Variants in FHIT observed in about 807,000 individuals in gnomAD.
FHIT encodes the protein bis(5'-adenosyl)-triphosphatase.
Under a neutral mutation model 17.9 loss-of-function variants are expected in FHIT, and 19 were observed. The ratio of observed to expected loss-of-function variants is 1.06; its 90% CI spans 0.74 to 1.56. FHIT has a LOEUF of 1.56. Ranked by LOEUF, FHIT falls within the 40% of genes most tolerant of loss-of-function variation. FHIT has a pLI of 0.00. For missense variants in FHIT, 248 were observed against 189.2 expected, an observed-to-expected ratio of 1.31 and a Z score of -1.82; for synonymous variants, 81 against 69.7, an observed-to-expected ratio of 1.16 and a Z score of -0.81.
chr3:59,918,378 A>C (rs1705237087), intron 8 of FHIT, among the ~76,000 whole-genome samples: 1 of 152,206 alleles, frequency 6.6e-6, no homozygotes, highest in South Asian at 2.1e-4. Context: ...GTTAAGAAGG[A>C]AATAGGTATG....
At chr3:60,076,374 C>G (rs2736764) in intron 5 of FHIT, among the ~76,000 whole-genome samples, 98,604 of 151,874 alleles carry the variant, frequency 0.65, 32,996 homozygotes, top group Middle Eastern at 0.77. Context: ...TCAGAAAAGC[C>G]TATTTCTCTT....
intron 2 of FHIT, among the ~76,000 whole-genome samples, chr3:61,184,420 C>G (rs2038441549): frequency 6.6e-6 from 1 of 152,122 alleles, no homozygotes; most frequent in Non-Finnish European, 1.5e-5. Flanking sequence ...CAAAGCTGAC[C>G]TGCTAGAGAG....
At chr3:61,152,772 T>C (rs1240568977) in intron 2 of FHIT, among the ~76,000 whole-genome samples, 1 of 135,310 alleles carries the variant, frequency 7.4e-6, no homozygotes, top group Non-Finnish European at 1.6e-5. Flanking sequence ...GTATGGCATC[T>C]AATGAGAAAT....
chr3:60,206,669 G>C (rs572362029), intron 5 of FHIT, among the ~76,000 whole-genome samples: 1 of 152,240 alleles, frequency 6.6e-6, no homozygotes, highest in South Asian at 2.1e-4. Context: ...ATGCAAAAGA[G>C]GTGGACGGTT....
chr3:60,398,170 C>T (rs1189903406), intron 5 of FHIT, among the ~76,000 whole-genome samples: 2 of 152,142 alleles, frequency 1.3e-5, no homozygotes, highest in African/African-American at 2.4e-5. Flanking sequence ...CACTATTTTT[C>T]AAAGTCTCTA....
In FHIT at chr3:60,338,478, G is replaced by A. The variant is rs114173681; in HGVS notation, c.103+198382C>T. On this transcript the variant is annotated intron_variant, in intron 5 of 9. Coordinates refer to ENST00000492590, the MANE Select transcript of FHIT (RefSeq NM_002012.4). ...CAAAGTTCTGTGATTATAGGCATGC[G>A]CCACCATGTCTATGTCTGGTCCCAG... Among the ~76,000 whole-genome samples the A allele has an allele frequency of 5.0e-3, 764 of 152,172 alleles. 1 individual carries two copies. The highest frequency in any genetic ancestry group is 0.011 in the African/African-American group (468 of 41,526).
At chr3:60,919,022 A>G (rs1386694166) in intron 3 of FHIT, among the ~76,000 whole-genome samples, 1 of 152,182 alleles carries the variant, frequency 6.6e-6, no homozygotes, top group Non-Finnish European at 1.5e-5. Flanking sequence ...GCAGTCAATC[A>G]TGGACTAAAT....
chr3:60,275,799 T>G (rs528748350), intron 5 of FHIT, among the ~76,000 whole-genome samples: 1 of 152,312 alleles, frequency 6.6e-6, no homozygotes, highest in East Asian at 1.9e-4. Flanking sequence ...TCTTCTCATG[T>G]GGTCTTTCGG....
chr3:61,178,426 G>C (rs1305415747), intron 2 of FHIT, among the ~76,000 whole-genome samples: 1 of 151,042 alleles, frequency 6.6e-6, no homozygotes, highest in Non-Finnish European at 1.5e-5. Flanking sequence ...GTGGGCATTG[G>C]GGATAAGAGG....
At chr3:60,767,627 A>G (rs549601413) in intron 4 of FHIT, among the ~76,000 whole-genome samples, 1 of 152,368 alleles carries the variant, frequency 6.6e-6, no homozygotes, top group South Asian at 2.1e-4. Flanking sequence ...ACAGATTAAC[A>G]AAATTCGGTG....
chr3:60,208,519 G>T lies in FHIT; in HGVS notation c.104-194367C>A, dbSNP rs567913065. 5.6e-4 allele frequency among the ~76,000 whole-genome samples: 85 copies of T among 152,298 alleles called. No homozygotes were observed. In the Middle Eastern group the frequency reaches 0.01, roughly 18 times the overall value. ...AGAAGTTAAGGCAAAGGCCAATATG[G>T]TGAGTAATTTTAAATTTACACTTAG... On this transcript the variant is annotated intron_variant, in intron 5 of 9. Coordinates refer to ENST00000492590, the MANE Select transcript of FHIT (RefSeq NM_002012.4).
At chr3:60,995,767 T>C (rs1415417222) in intron 3 of FHIT, among the ~76,000 whole-genome samples, 2 of 152,184 alleles carry the variant, frequency 1.3e-5, no homozygotes, top group East Asian at 1.9e-4. Flanking sequence ...AATTATCATA[T>C]TGTGTAAATG....
At chr3:60,032,567 G>A (rs1167409964) in intron 5 of FHIT, among the ~76,000 whole-genome samples, 2 of 152,196 alleles carry the variant, frequency 1.3e-5, no homozygotes, top group African/African-American at 4.8e-5. Flanking sequence ...TGCTTTGGAT[G>A]AAAGTGTGAC....
chr3:60,378,959 AGGT>A (rs904253571), intron 5 of FHIT, among the ~76,000 whole-genome samples: 14 of 152,352 alleles, frequency 9.2e-5, no homozygotes, highest in Admixed American at 7.2e-4. Flanking sequence ...ACAATCAAGT[AGGT>A]GGTACACATC....
chr3:60,560,848 G>GAC (rs1559540546), intron 4 of FHIT, among the ~76,000 whole-genome samples: 6 of 143,088 alleles, frequency 4.2e-5, no homozygotes, highest in Non-Finnish European at 9.2e-5. Context: ...CACACACAGA[G>GAC]AGAGAGAGAG....
intron 7 of FHIT, among the ~76,000 whole-genome samples, chr3:59,981,912 G>T (rs187498134): frequency 1.6e-4 from 25 of 152,008 alleles, no homozygotes; most frequent in Non-Finnish European, 2.8e-4. Flanking sequence ...CAGGATTCAA[G>T]GTATCAGTTT....
intron 8 of FHIT, among the ~76,000 whole-genome samples, chr3:59,823,490 A>G (rs1446871183): frequency 1.3e-5 from 2 of 152,152 alleles, no homozygotes; most frequent in African/African-American, 4.8e-5. Context: ...CATCAAAAAG[A>G]TAATCCACCA....
At chr3:60,585,735 G>T (rs2037885429) in intron 4 of FHIT, among the ~76,000 whole-genome samples, 1 of 151,958 alleles carries the variant, frequency 6.6e-6, no homozygotes, top group South Asian at 2.1e-4. Context: ...CTGTTCATAA[G>T]TCATAGGACA....
intron 4 of FHIT, among the ~76,000 whole-genome samples, chr3:60,698,285 C>G (rs2041159773): frequency 6.8e-6 from 1 of 147,514 alleles, no homozygotes; most frequent in Non-Finnish European, 1.5e-5. Context: ...TACTGACATT[C>G]TACACCACTC....
Sources: allele counts gnomAD v4.1 joint callset (sites outside exome capture counted in the v4.1 genomes callset), GRCh38; gene constraint gnomAD v4.1.1; transcripts MANE v1.5; gene names NCBI Gene and HGNC (gene_info 2026-07-23, HGNC 2026-07-21).